The following FOXJ3 variants were observed in gnomAD, a reference collection of about 807,000 sequenced individuals.
The protein encoded by FOXJ3 is forkhead box protein J3.
FOXJ3 carries 22 observed loss-of-function variants against 76.1 expected under a neutral mutation model. That is an observed-to-expected ratio of 0.29 (90% CI 0.21 to 0.41). FOXJ3 has a LOEUF of 0.41. Among genes scored for constraint, FOXJ3 ranks in the 10% least tolerant of loss-of-function variants. The pLI, the probability that FOXJ3 is intolerant of heterozygous loss-of-function variation, is 1.00. For synonymous variants in FOXJ3, 269 were observed against 261.2 expected (o/e 1.03, Z -0.29); for missense variants, 613 against 762.1 (o/e 0.80, Z 2.30).
intron 2 of FOXJ3, among the ~76,000 whole-genome samples, chr1:42,281,167 T>C (rs1652679164): frequency 6.6e-6 from 1 of 151,422 alleles, no homozygotes; most frequent in Non-Finnish European, 1.5e-5. Context: ...CAAGGATGCA[T>C]AAATTATACA....
intron 4 of FOXJ3, among the ~76,000 whole-genome samples, chr1:42,236,978 C>A (rs998263934): frequency 6.6e-6 from 1 of 152,040 alleles, no homozygotes; most frequent in Non-Finnish European, 1.5e-5. Flanking sequence ...ATATCTTTTG[C>A]CCATGTTTTA....
chr1:42,258,931 T>C (rs1048570417), intron 4 of FOXJ3, among the ~76,000 whole-genome samples: 2 of 152,210 alleles, frequency 1.3e-5, no homozygotes, highest in Non-Finnish European at 2.9e-5. Flanking sequence ...ACTTGAGTGT[T>C]ATAGCTCAAT....
intron 4 of FOXJ3, among the ~76,000 whole-genome samples, chr1:42,248,157 A>T (rs1206539473): frequency 6.6e-6 from 1 of 152,200 alleles, no homozygotes; most frequent in African/African-American, 2.4e-5. Context: ...TTTGGGAGGG[A>T]TGAAATGAAA....
chr1:42,310,449 T>TC (rs1352882222), intron 2 of FOXJ3, among the ~76,000 whole-genome samples: 3 of 149,974 alleles, frequency 2.0e-5, no homozygotes, highest in Non-Finnish European at 3.0e-5. Flanking sequence ...TGGGCTTTTT[T>TC]CTTTTTTTTT....
Position 42,179,657 on chromosome 1 carries a change from C to G in FOXJ3, c.*53G>C. On this transcript the variant is annotated 3_prime_UTR_variant, in exon 13 of 13. Transcript: ENST00000361346. Reference sequence around the variant, plus strand: ...CAACTGGATTCTCTTAAACCTTTCCCTTCACTGCACAGAAAGGTAACGTTA... The same window carrying G: ...CAACTGGATTCTCTTAAACCTTTCCGTTCACTGCACAGAAAGGTAACGTTA... 1.8e-6 allele frequency: 2 copies of G among 1,097,740 alleles called. No individual in the cohort carries two copies. The highest frequency in any genetic ancestry group is 2.8e-6 in the Non-Finnish European group (2 of 715,622). 68.0% of individuals were successfully genotyped at this position (1,097,740 alleles called of 1,614,324 possible).
At chr1:42,254,205 C>A (rs1387857060) in intron 4 of FOXJ3, among the ~76,000 whole-genome samples, 2 of 151,074 alleles carry the variant, frequency 1.3e-5, no homozygotes, top group African/African-American at 2.4e-5. Context: ...CCAAAAGACA[C>A]GTGAAAAAAT....
At chr1:42,302,275 G>A (rs1654198564) in intron 2 of FOXJ3, among the ~76,000 whole-genome samples, 1 of 152,334 alleles carries the variant, frequency 6.6e-6, no homozygotes, top group East Asian at 1.9e-4. Context: ...GTCAGTTGGT[G>A]GCACTCACAG....
chr1:42,290,930 C>T (rs748454570), intron 2 of FOXJ3, among the ~76,000 whole-genome samples: 14 of 151,888 alleles, frequency 9.2e-5, no homozygotes, highest in East Asian at 1.9e-4. Context: ...GGACTTAGAC[C>T]GTCAGATTTC....
intron 1 of FOXJ3, among the ~76,000 whole-genome samples, chr1:42,315,753 A>T (rs2124766157): frequency 6.6e-6 from 1 of 152,370 alleles, no homozygotes; most frequent in East Asian, 1.9e-4. Flanking sequence ...TCCAAGTCAC[A>T]AACAAATCTC....
At chr1:42,244,509 C>G (rs1452050571) in intron 4 of FOXJ3, among the ~76,000 whole-genome samples, 1 of 152,008 alleles carries the variant, frequency 6.6e-6, no homozygotes, top group Non-Finnish European at 1.5e-5. Context: ...ACAGCAAGAC[C>G]TTGAATCTAA....
chr1:42,292,747 T>G (rs577362294), intron 2 of FOXJ3, among the ~76,000 whole-genome samples: 6 of 152,320 alleles, frequency 3.9e-5, no homozygotes, highest in Non-Finnish European at 8.8e-5. Flanking sequence ...TGTATGTATT[T>G]GTCAGACTTA....
intron 4 of FOXJ3, among the ~76,000 whole-genome samples, chr1:42,246,331 TAC>T (rs368904681): frequency 2.0e-5 from 3 of 151,452 alleles, no homozygotes; most frequent in Admixed American, 6.6e-5. Context: ...CACATACACA[TAC>T]ACACACACAC....
At chr1:42,288,490 G>A (rs1476738980) in intron 2 of FOXJ3, among the ~76,000 whole-genome samples, 1 of 152,100 alleles carries the variant, frequency 6.6e-6, no homozygotes, top group African/African-American at 2.4e-5. Context: ...AAGTAAGTAT[G>A]GCATCAATGC....
chr1:42,181,447 T>C (rs1041409975), intron 12 of FOXJ3, among the ~76,000 whole-genome samples: 2 of 152,244 alleles, frequency 1.3e-5, no homozygotes, highest in East Asian at 3.8e-4. Flanking sequence ...AAGCAGAATC[T>C]ACAGGAGCTA....
At chr1:42,180,984 T>A (rs1289901974) in intron 12 of FOXJ3, among the ~76,000 whole-genome samples, 2 of 152,222 alleles carry the variant, frequency 1.3e-5, no homozygotes, top group Non-Finnish European at 2.9e-5. Flanking sequence ...CACAACAGGT[T>A]AACATTCCTT....
At chr1:42,266,058 G>A (rs941826600) in intron 3 of FOXJ3, among the ~76,000 whole-genome samples, 3 of 152,064 alleles carry the variant, frequency 2.0e-5, no homozygotes, top group African/African-American at 7.2e-5. Flanking sequence ...CTAGTATTTG[G>A]GAGAGAAGAG....
intron 1 of FOXJ3, among the ~76,000 whole-genome samples, chr1:42,314,894 A>T (rs1655016799): frequency 1.3e-5 from 2 of 152,258 alleles, no homozygotes; most frequent in Non-Finnish European, 2.9e-5. Flanking sequence ...ACTACTCATA[A>T]AGCCAGTAAG....
intron 2 of FOXJ3, among the ~76,000 whole-genome samples, chr1:42,308,120 T>G (rs1435364870): frequency 1.3e-5 from 2 of 152,218 alleles, no homozygotes; most frequent in African/African-American, 4.8e-5. Flanking sequence ...AACTCCCACC[T>G]GCCTATCCAT....
chr1:42,311,605 A>G (rs912471774), intron 1 of FOXJ3, among the ~76,000 whole-genome samples: 7 of 150,722 alleles, frequency 4.6e-5, no homozygotes, highest in African/African-American at 1.7e-4. Flanking sequence ...TGGACTTCAC[A>G]AAGATTTCAT....
Sources: allele counts gnomAD v4.1 joint callset (sites outside exome capture counted in the v4.1 genomes callset), GRCh38; gene constraint gnomAD v4.1.1; transcripts MANE v1.5; gene names NCBI Gene and HGNC (gene_info 2026-07-23, HGNC 2026-07-21).